NELL2: variants seen among roughly 807,000 people sequenced by gnomAD.
NELL2 encodes neural EGFL like 2, also known as protein kinase C-binding protein NELL2.
In NELL2, 41 loss-of-function variants were observed where a neutral mutation model predicts 109.6. The ratio of observed to expected loss-of-function variants is 0.37; its 90% CI spans 0.29 to 0.49. The LOEUF (loss-of-function observed/expected upper bound fraction) is 0.49. Among genes scored for constraint, NELL2 ranks in the 20% least tolerant of loss-of-function variants. NELL2 has a pLI of 0.98. For missense variants in NELL2, 900 were observed against 1,008.3 expected, an observed-to-expected ratio of 0.89 and a Z score of 1.45; for synonymous variants, 355 against 344.7, an observed-to-expected ratio of 1.03 and a Z score of -0.33.
chr12:44,917,914 T>C (rs1039058217), upstream of NELL2, among the ~76,000 whole-genome samples: 1 of 152,240 alleles, frequency 6.6e-6, no homozygotes, highest in Non-Finnish European at 1.5e-5. Context: ...CTCTCCGCCA[T>C]ATAGCTTCAA....
At chr12:44,814,709 T>C (rs1174379141) in intron 3 of NELL2, among the ~76,000 whole-genome samples, 2 of 152,174 alleles carry the variant, frequency 1.3e-5, no homozygotes, top group Non-Finnish European at 2.9e-5. Flanking sequence ...TGTAATTAAA[T>C]GGGGCCTCAA....
chr12:44,524,377 C>G (rs561961588), intron 16 of NELL2, among the ~76,000 whole-genome samples: 1 of 152,176 alleles, frequency 6.6e-6, no homozygotes, highest in South Asian at 2.1e-4. Context: ...GTATGAGTGG[C>G]AATAAGTAGT....
chr12:44,802,713 T>G (rs1037583610), intron 3 of NELL2, among the ~76,000 whole-genome samples: 2 of 152,106 alleles, frequency 1.3e-5, no homozygotes, highest in Non-Finnish European at 2.9e-5. Flanking sequence ...GTTACCATTT[T>G]TTAGGAATAC....
chr12:44,546,997 C>T (rs1236487377), intron 15 of NELL2, among the ~76,000 whole-genome samples: 1 of 152,138 alleles, frequency 6.6e-6, no homozygotes, highest in Admixed American at 6.5e-5. Flanking sequence ...TGTTTCTACA[C>T]ATTCACACAC....
chr12:44,831,200 C>T (rs1943877736), intron 2 of NELL2, among the ~76,000 whole-genome samples: 1 of 152,036 alleles, frequency 6.6e-6, no homozygotes, highest in African/African-American at 2.4e-5. Flanking sequence ...AATCTCTGTA[C>T]TTTACCTTAC....
intron 9 of NELL2, among the ~76,000 whole-genome samples, chr12:44,742,125 G>A (rs1470335291): frequency 2.0e-5 from 3 of 152,074 alleles, no homozygotes; most frequent in South Asian, 2.1e-4. Context: ...CCAGAGGAAC[G>A]ATCAGGCAGC....
At chr12:44,820,607 T>TTA (rs1943509128) in intron 2 of NELL2, among the ~76,000 whole-genome samples, 1 of 19,760 alleles carries the variant, frequency 5.1e-5, no homozygotes, top group African/African-American at 1.2e-4. Context: ...AGACTCCGTC[T>TTA]CAAAAAAAAA....
At chr12:44,811,337 T>TAAAAAAAAAAAA (rs10683929) in intron 3 of NELL2, among the ~76,000 whole-genome samples, 26 of 103,192 alleles carry the variant, frequency 2.5e-4, no homozygotes, top group African/African-American at 4.0e-4. Context: ...GAACTAAAAG[T>TAAAAAAAAAAAA]AAAAAAAAAA....
intron 9 of NELL2, among the ~76,000 whole-genome samples, chr12:44,742,427 C>A (rs1318418638): frequency 6.6e-6 from 1 of 152,200 alleles, no homozygotes; most frequent in Non-Finnish European, 1.5e-5. Flanking sequence ...GAACGCAGCT[C>A]CTCACCAGCA....
intron 13 of NELL2, among the ~76,000 whole-genome samples, chr12:44,619,101 T>C (rs905536517): frequency 6.6e-6 from 1 of 152,010 alleles, no homozygotes; most frequent in African/African-American, 2.4e-5. Context: ...TGGGAAAGCA[T>C]TACATGGGAA....
intron 15 of NELL2, among the ~76,000 whole-genome samples, chr12:44,570,529 C>T (rs1943824908): frequency 6.6e-6 from 1 of 151,994 alleles, no homozygotes; most frequent in Admixed American, 6.6e-5. Flanking sequence ...TGCATCAATC[C>T]TTTTTTAAAA....
intron 12 of NELL2, among the ~76,000 whole-genome samples, chr12:44,703,225 T>G (rs1566196461): frequency 6.6e-6 from 1 of 152,192 alleles, no homozygotes; most frequent in Non-Finnish European, 1.5e-5. Flanking sequence ...GTTAAGATTT[T>G]TAAAAATTAA....
At chr12:44,875,685 C>T in intron 1 of NELL2, 130 bp downstream of exon 1, 1 of 1,591,540 alleles carries the variant, frequency 6.3e-7, no homozygotes, top group Non-Finnish European at 8.5e-7. Flanking sequence ...TCCAAACCCG[C>T]CCCCTTACTC....
At chr12:44,624,342 A>T (rs1172381167) in intron 13 of NELL2, among the ~76,000 whole-genome samples, 1 of 152,112 alleles carries the variant, frequency 6.6e-6, no homozygotes, top group African/African-American at 2.4e-5. Flanking sequence ...AAAACTTTAA[A>T]ATAATGTACC....
At chr12:44,530,150 G>C (rs549969812) in intron 16 of NELL2, among the ~76,000 whole-genome samples, 4 of 152,270 alleles carry the variant, frequency 2.6e-5, no homozygotes, top group Admixed American at 2.0e-4. Flanking sequence ...AAAGAGGAGA[G>C]AGAAAAAGCA....
chr12:44,717,124 A>G (rs1426090678), intron 9 of NELL2, among the ~76,000 whole-genome samples: 1 of 152,116 alleles, frequency 6.6e-6, no homozygotes, highest in East Asian at 1.9e-4. Flanking sequence ...AGTTGCTGTA[A>G]TTCTCCATAA....
chr12:44,904,062 TA>T (rs1190466293), intron 1 of NELL2, among the ~76,000 whole-genome samples: 1 of 151,728 alleles, frequency 6.6e-6, no homozygotes. Flanking sequence ...AATTAAATTT[TA>T]AAAAAACTTA....
intron 7 of NELL2, 72 bp from the exon 8 acceptor site, chr12:44,776,222 G>T (rs1043205182): frequency 4.6e-5 from 71 of 1,550,292 alleles, no homozygotes; most frequent in East Asian, 6.9e-5. Flanking sequence ...CACTCCGCAG[G>T]TATCTTTTTT....
intron 13 of NELL2, among the ~76,000 whole-genome samples, chr12:44,617,721 C>CAGTTGTGAAG (rs1434615389): frequency 7.0e-6 from 1 of 142,150 alleles, no homozygotes; most frequent in African/African-American, 2.6e-5. Context: ...AAAGAAAAAG[C>CAGTTGTGAAG]AGTTGTGAAG....
Sources: allele counts gnomAD v4.1 joint callset (sites outside exome capture counted in the v4.1 genomes callset), GRCh38; gene constraint gnomAD v4.1.1; transcripts MANE v1.5; gene names NCBI Gene and HGNC (gene_info 2026-07-23, HGNC 2026-07-21).